ERCC6: variants seen among roughly 807,000 people sequenced by gnomAD.
ERCC6 encodes DNA excision repair protein ERCC-6.
A neutral mutation model predicts 158.7 loss-of-function variants in ERCC6; 116 were observed. The ratio of observed to expected loss-of-function variants is 0.73; its 90% CI spans 0.63 to 0.85. The LOEUF (loss-of-function observed/expected upper bound fraction) is 0.85. ERCC6 is among the 40% of genes least tolerant of loss of function. ERCC6 has a pLI of 0.00. For missense variants in ERCC6, 1,698 were observed against 1,799.4 expected (o/e 0.94, Z 1.02); for synonymous variants, 678 against 659.3 (o/e 1.03, Z -0.43).
the ERCC6 span, among the ~76,000 whole-genome samples, chr10:49,439,754 G>C: frequency 1.3e-5 from 2 of 152,074 alleles, no homozygotes; most frequent in South Asian, 4.1e-4. Flanking sequence ...GTCATCTCTT[G>C]GATGCTTTGC....
chr10:49,494,343 AG>A (rs1364990222), intron 7 of ERCC6, among the ~76,000 whole-genome samples: 10 of 152,240 alleles, frequency 6.6e-5, no homozygotes, highest in African/African-American at 2.4e-4. Context: ...AAATACTATA[AG>A]ATTCTGTTAA....
chr10:49,521,870 G>A (rs892198601), intron 5 of ERCC6, among the ~76,000 whole-genome samples: 67 of 152,312 alleles, frequency 4.4e-4, no homozygotes, highest in African/African-American at 1.5e-3. Flanking sequence ...AAAATTCCTA[G>A]TAAGTATCAG....
chr10:49,467,660 G>A (rs1003213766), intron 18 of ERCC6, among the ~76,000 whole-genome samples: 3 of 151,940 alleles, frequency 2.0e-5, no homozygotes, highest in Non-Finnish European at 2.9e-5. Flanking sequence ...CAACCTCCCA[G>A]GCTCGAGCAA....
chr10:49,495,700 C>T (rs1590431034), intron 7 of ERCC6, among the ~76,000 whole-genome samples: 1 of 152,128 alleles, frequency 6.6e-6, no homozygotes, highest in East Asian at 1.9e-4. Context: ...AAATCAGAAA[C>T]CTAGGCCTCA....
chr10:49,473,894 A>G (rs1473551371), intron 13 of ERCC6, 133 bp downstream of exon 13: 3 of 872,164 alleles, frequency 3.4e-6, no homozygotes, highest in Non-Finnish European at 5.5e-6. Context: ...TCCCAAAGAA[A>G]TCGGTAGACT....
At chr10:49,516,617 A>G (rs1156578522) in intron 5 of ERCC6, 2 of 1,614,226 alleles carry the variant, frequency 1.2e-6, no homozygotes, top group South Asian at 1.1e-5. Flanking sequence ...CTTTACTGCA[A>G]GCATATAAGT....
intron 16 of ERCC6, 47 bp from the exon 17 acceptor site, chr10:49,471,167 C>T (rs1222399739): frequency 6.3e-7 from 1 of 1,594,030 alleles, no homozygotes; most frequent in South Asian, 1.1e-5. Context: ...TGTAGCTCTA[C>T]CTAAAAATTC....
Position 49,500,596 on chromosome 10 carries a change from T to C in ERCC6, c.1627A>G (p.Ile543Val). 1 of 1,613,974 alleles carries C rather than the reference T, an allele frequency of 6.2e-7. No individual in the cohort carries two copies. Among genetic ancestry groups the C allele is most frequent in the Non-Finnish European group, 8.5e-7 (1 of 1,179,906 alleles). Residue 543 changes from isoleucine (I) to valine (V), a missense_variant, in exon 7 of 21, where the codon ATT (isoleucine) becomes GTT (valine). Transcript: ENST00000355832. Reference sequence around the variant, plus strand: ...TAGCTCAGACCTGCCAAGAAGGCAATTATCTGGATGGTCTTGCCCAATCCC... The same window carrying C: ...TAGCTCAGACCTGCCAAGAAGGCAACTATCTGGATGGTCTTGCCCAATCCC... ...EMGLGKTIQI[I>V]AFLAGLSYSK... is the part of the protein sequence containing the mutation.
At chr10:49,492,428 G>A (rs1315648393) in intron 8 of ERCC6, among the ~76,000 whole-genome samples, 1 of 152,162 alleles carries the variant, frequency 6.6e-6, no homozygotes, top group East Asian at 1.9e-4. Context: ...ATGCTTATGG[G>A]TCACCCGGGA....
rs1436271973 is a variant in ERCC6, at chr10:49,524,207, G to A, written c.1223C>T (p.Pro408Leu). ...DGTDYELKPL[P>L]KGGKRQKKVP... is the part of the protein sequence containing the mutation. ...TTTCTTCTGCCGTTTCCCGCCCTTG[G>A]GCAGAGGCTTCAGCTCATAGTCAGT... Residue 408 changes from proline (P) to leucine (L), a missense_variant, in exon 5 of 21, where the codon CCC becomes CTC. Physicochemically the swap from Pro to Leu is moderately conservative, Grantham distance 98 (BLOSUM62 -3). Coordinates refer to ENST00000355832, the MANE Select transcript of ERCC6 (RefSeq NM_000124.4). 2 of 1,613,754 alleles carry A rather than the reference G, an allele frequency of 1.2e-6. No individual in the cohort carries two copies. The highest frequency in any genetic ancestry group is 2.7e-5 in the African/African-American group (2 of 74,808).
At chr10:49,531,118 G>A (rs1837459549) in intron 2 of ERCC6, among the ~76,000 whole-genome samples, 2 of 152,078 alleles carry the variant, frequency 1.3e-5, no homozygotes. Context: ...TTATTTAAGT[G>A]CCTACTTTAT....
chr10:49,538,425 G>C (rs916776156), intron 1 of ERCC6, among the ~76,000 whole-genome samples: 10 of 152,206 alleles, frequency 6.6e-5, no homozygotes, highest in African/African-American at 2.2e-4. Context: ...TGGATTGGAG[G>C]AGACAAAGCA....
At chr10:49,472,783 C>T (rs886081019) in intron 15 of ERCC6, 126 bp downstream of exon 15, 1 of 1,161,660 alleles carries the variant, frequency 8.6e-7, no homozygotes, top group African/African-American at 1.6e-5. Flanking sequence ...CGTTGAAGAA[C>T]AGGAGACAAT....
rs1360922012 is a variant in ERCC6 at position 49,459,002 on chromosome 10, C to T, written c.4295G>A (p.Arg1432Lys). 6.2e-7 allele frequency: 1 copy of T among 1,614,202 alleles called. No individual in the cohort carries two copies. Among genetic ancestry groups the T allele is most frequent in the Non-Finnish European group, 8.5e-7 (1 of 1,180,038 alleles). Residue 1432 changes from arginine (R) to lysine (K), a missense_variant, in exon 21 of 21, where the codon AGA becomes AAA. Transcript: ENST00000355832. The part of the protein sequence containing the change: ...TEHDDLLVEM[R>K]NFIAFQAHTD... Reference sequence around the variant, plus strand: ...GTGGGCCTGGAAAGCGATGAAGTTTCTCATCTCCACCAGAAGGTCATCGTG... The same window carrying T: ...GTGGGCCTGGAAAGCGATGAAGTTTTTCATCTCCACCAGAAGGTCATCGTG...
intron 6 of ERCC6, chr10:49,504,113 T>G (rs1851402877): frequency 6.6e-6 from 1 of 152,120 alleles, no homozygotes; most frequent in South Asian, 2.1e-4. Flanking sequence ...TCAATTCAAT[T>G]CCACAGAATG....
intron 18 of ERCC6, among the ~76,000 whole-genome samples, chr10:49,466,093 T>C (rs1048821878): frequency 3.3e-5 from 5 of 152,108 alleles, no homozygotes; most frequent in African/African-American, 1.2e-4. Flanking sequence ...TACAAACAAA[T>C]AAATTAACCT....
At chr10:49,534,502 G>A (rs1361621083) in intron 1 of ERCC6, among the ~76,000 whole-genome samples, 2 of 152,144 alleles carry the variant, frequency 1.3e-5, no homozygotes, top group Admixed American at 1.3e-4. Flanking sequence ...AAAATTCATG[G>A]TATGAACACA....
At chr10:49,436,883 AATAG>A in the ERCC6 span, among the ~76,000 whole-genome samples, 3 of 152,242 alleles carry the variant, frequency 2.0e-5, no homozygotes, top group African/African-American at 7.2e-5. Flanking sequence ...GGTAAGAGAG[AATAG>A]ATAAATTGTG....
In ERCC6 at chr10:49,455,549, A is replaced by T. The variant is rs1182276285; in HGVS notation, c.*3266T>A. On this transcript the variant is annotated 3_prime_UTR_variant, in exon 21 of 21. Coordinates refer to ENST00000355832, the MANE Select transcript of ERCC6 (RefSeq NM_000124.4). ...GAGGAGTGTGGTTGGTAGAACCAAC[A>T]CCTGGATCCACAGGACAGAAATAGA... 1 of 152,260 alleles carries T rather than the reference A, an allele frequency of 6.6e-6. No individual in the cohort carries two copies. The allele number at this position is 152,260 out of a possible 1,614,324, so 9.4% of individuals were successfully genotyped here. A position where few individuals can be genotyped will look rare whatever the true frequency, so the allele number is the denominator to read the frequency against.
Sources: gnomAD v4.1 joint callset for allele counts (sites outside exome capture counted in the v4.1 genomes callset) on GRCh38, gnomAD v4.1.1 for gene constraint, MANE v1.5 for transcripts, NCBI Gene and HGNC (gene_info 2026-07-23, HGNC 2026-07-21) for gene names.